PLEKHM1: variants seen among roughly 807,000 people sequenced by gnomAD.
PLEKHM1 encodes pleckstrin homology and RUN domain containing M1, also known as pleckstrin homology domain-containing family M member 1.
PLEKHM1 carries 28 observed loss-of-function variants against 94.3 expected under a neutral mutation model. That is an observed-to-expected ratio of 0.30 (90% CI 0.22 to 0.41). The LOEUF (loss-of-function observed/expected upper bound fraction) is 0.41, where lower values mean the gene tolerates loss of function less well. Among genes scored for constraint, PLEKHM1 ranks in the 10% least tolerant of loss-of-function variants. PLEKHM1 has a pLI of 1.00. For missense variants in PLEKHM1, 907 were observed against 1,358.6 expected (o/e 0.67, Z 5.22); for synonymous variants, 424 against 581.2 (o/e 0.73, Z 3.89).
intron 8 of PLEKHM1, chr17:45,446,025 C>CG (rs1005088257): frequency 1.5e-5 from 6 of 397,468 alleles, no homozygotes; most frequent in Admixed American, 8.1e-5. Flanking sequence ...TATTTCCCCC[C>CG]ACTGAAGGAA....
At position 45,436,417 on chromosome 17, in the gene PLEKHM1, T is replaced by A. The variant is rs577856452; in HGVS notation, c.*1441A>T. The A allele has an allele frequency of 2.2e-6, 1 of 453,310 alleles. No individual in the cohort carries two copies. The highest frequency in any genetic ancestry group is 7.0e-5 in the East Asian group (1 of 14,364). 28.1% of individuals were successfully genotyped at this position (453,310 alleles called of 1,614,324 possible). On this transcript the variant is annotated 3_prime_UTR_variant, in exon 12 of 12. Transcript: ENST00000430334. ...CTGTTCTGCTGCACAGGCATCCAGC[T>A]CCAAGGCTGGGTGGGTGACTCAGCA...
intron 4 of PLEKHM1, among the ~76,000 whole-genome samples, chr17:45,471,994 C>T (rs1037995714): frequency 6.6e-6 from 1 of 152,090 alleles, no homozygotes; most frequent in African/African-American, 2.4e-5. Flanking sequence ...AACAGAACCG[C>T]TTTATATTAA....
Position 45,459,024 on chromosome 17 carries a change from A to C in PLEKHM1, c.1309-585T>G, listed in dbSNP as rs147048865. ...ACACCTGTAGTCTCAGCTACTGAGG[A>C]GGCTGAAGCGGGAGAATCGCTTGAG... On this transcript the variant is annotated intron_variant, in intron 5 of 11. Coordinates refer to ENST00000430334, the MANE Select transcript of PLEKHM1 (RefSeq NM_014798.3). Among the ~76,000 whole-genome samples, 910 of 152,070 alleles carry C rather than the reference A, an allele frequency of 6.0e-3. 6 individuals are homozygous for C. Among genetic ancestry groups the C allele is most frequent in the African/African-American group, 0.021 (867 of 41,478 alleles).
chr17:45,477,751 G>A, intron 3 of PLEKHM1, 149 bp downstream of exon 3: 4 of 873,520 alleles, frequency 4.6e-6, no homozygotes, highest in Non-Finnish European at 7.4e-6. Context: ...AGCCTTTCTA[G>A]AAGACACTTT....
chr17:45,488,160 G>A (rs1431970432), intron 1 of PLEKHM1, among the ~76,000 whole-genome samples: 3 of 152,212 alleles, frequency 2.0e-5, no homozygotes, highest in Non-Finnish European at 4.4e-5. Context: ...GATGAGGGCA[G>A]AATTGTGGAG....
intron 4 of PLEKHM1, among the ~76,000 whole-genome samples, chr17:45,469,860 A>G (rs1163710253): frequency 2.6e-5 from 4 of 152,142 alleles, no homozygotes; most frequent in Non-Finnish European, 5.9e-5. Context: ...GAACCACAAG[A>G]TCAGGAGTTC....
chr17:45,449,531 C>A (rs1271947328), intron 8 of PLEKHM1, among the ~76,000 whole-genome samples: 5 of 151,956 alleles, frequency 3.3e-5, no homozygotes, highest in Non-Finnish European at 5.9e-5. Context: ...CCTATCTAGG[C>A]ACCCATCTAC....
chr17:45,477,227 G>T (rs895726440), intron 3 of PLEKHM1: 5 of 159,396 alleles, frequency 3.1e-5, no homozygotes, highest in Admixed American at 1.2e-4. Context: ...ACAAGGTCAG[G>T]AGTTTGAGAG....
At chr17:45,490,039 A>G (rs2052259080) in intron 1 of PLEKHM1, among the ~76,000 whole-genome samples, 1 of 152,172 alleles carries the variant, frequency 6.6e-6, no homozygotes, top group Non-Finnish European at 1.5e-5. Context: ...ACGAGAAGAC[A>G]CAGTTAAGAC....
intron 4 of PLEKHM1, among the ~76,000 whole-genome samples, chr17:45,474,563 C>T (rs1475459108): frequency 5.3e-5 from 8 of 152,210 alleles, no homozygotes; most frequent in African/African-American, 1.7e-4. Context: ...ATTTGTTGGA[C>T]GTTTTAAATG....
intron 4 of PLEKHM1, among the ~76,000 whole-genome samples, chr17:45,472,400 G>A (rs2051545554): frequency 6.6e-6 from 1 of 152,208 alleles, no homozygotes; most frequent in African/African-American, 2.4e-5. Flanking sequence ...CCTGCACAGA[G>A]AGGATGGTCA....
In PLEKHM1 at chr17:45,439,618, T is replaced by C. The variant is rs2050376966; in HGVS notation, c.2918A>G (p.Tyr973Cys). ...AATCAGGGCCTTGAGGAATCCTTCA[T>C]ACACCCCGTCTGCGATCTGCGGAGG... ...ADLQQIADGV[Y>C]EGFLKALIEF... Residue 973 changes from tyrosine (Y) to cysteine (C), a missense_variant, in exon 11 of 12, where the codon TAT becomes TGT. Tyr to Cys is a radical substitution (Grantham distance 194). Around this residue, in one of 3 missense-constraint regions of PLEKHM1, gnomAD observed 254 missense variants for 451.1 expected, o/e 0.56. Coordinates refer to ENST00000430334, the MANE Select transcript of PLEKHM1 (RefSeq NM_014798.3). The C allele has an allele frequency of 5.6e-6, 9 of 1,614,016 alleles. No individual in the cohort carries two copies. The highest frequency in any genetic ancestry group is 1.1e-5 in the South Asian group (1 of 91,076).
chr17:45,460,894 A>C (rs1452832678), intron 5 of PLEKHM1, among the ~76,000 whole-genome samples: 1 of 150,492 alleles, frequency 6.6e-6, no homozygotes, highest in Non-Finnish European at 1.5e-5. Context: ...TGTTGTTGTT[A>C]TTGTTGTTGA....
Position 45,453,034 on chromosome 17 carries a change from C to T in PLEKHM1, c.2497+321G>A. 1 of 543,198 alleles carries T rather than the reference C, an allele frequency of 1.8e-6. No homozygotes were observed. The highest frequency in any genetic ancestry group is 3.3e-6 in the Non-Finnish European group (1 of 300,958). The allele number at this position is 543,198 out of a possible 1,614,324, so 33.6% of individuals were successfully genotyped here. A position where few individuals can be genotyped will look rare whatever the true frequency, so the allele number is the denominator to read the frequency against. On this transcript the variant is annotated intron_variant, in intron 7 of 11. Coordinates refer to ENST00000430334, the MANE Select transcript of PLEKHM1 (RefSeq NM_014798.3). This position sits in a 1 kb window ranked among gnomAD's most constrained non-coding sequence, Gnocchi z 4.1. ...AAACCATGCCCCTGCTCTGAAAGAA[C>T]AGGACGGTAGAGCAAGAAGAAAATG...
chr17:45,453,248 A>C lies in PLEKHM1; in HGVS notation c.2497+107T>G. On this transcript the variant is annotated intron_variant, in intron 7 of 11. Coordinates refer to ENST00000430334, the MANE Select transcript of PLEKHM1 (RefSeq NM_014798.3). This position sits in a 1 kb window ranked among gnomAD's most constrained non-coding sequence, Gnocchi z 4.1. ...CTGTGGCCTCATCCCTAGGGGAAGG[A>C]TGGGGGCATTTGCGGGGAGGCAGAA... The C allele has an allele frequency of 1.1e-6, 1 of 913,778 alleles. No individual in the cohort carries two copies. The highest frequency in any genetic ancestry group is 2.6e-4 in the Middle Eastern group (1 of 3,858). The allele number at this position is 913,778 out of a possible 1,614,324, so 56.6% of individuals were successfully genotyped here. A position where few individuals can be genotyped will look rare whatever the true frequency, so the allele number is the denominator to read the frequency against.
At chr17:45,487,602 T>C (rs2052168275) in intron 1 of PLEKHM1, 3 of 415,632 alleles carry the variant, frequency 7.2e-6, no homozygotes, top group East Asian at 1.4e-4. Flanking sequence ...TGTTCCAACA[T>C]AGTTAGGAAG....
chr17:45,479,814 A>G (rs911981051), intron 2 of PLEKHM1, among the ~76,000 whole-genome samples: 9 of 152,260 alleles, frequency 5.9e-5, no homozygotes, highest in African/African-American at 2.2e-4. Context: ...GCACATAGAA[A>G]TACTCAATAA....
intron 7 of PLEKHM1, 103 bp from the exon 8 acceptor site, chr17:45,450,866 G>T: frequency 1.5e-6 from 1 of 687,900 alleles, no homozygotes; most frequent in East Asian, 2.7e-5. Flanking sequence ...TTTTTTTAAG[G>T]TAGGCACAAA....
intron 1 of PLEKHM1, among the ~76,000 whole-genome samples, chr17:45,487,193 C>G (rs146191037): frequency 2.0e-5 from 3 of 152,182 alleles, no homozygotes; most frequent in Non-Finnish European, 4.4e-5. Context: ...TGTATTCATT[C>G]GCCTTCACAT....
Sources: gnomAD v4.1 joint callset for allele counts (sites outside exome capture counted in the v4.1 genomes callset) on GRCh38, gnomAD v4.1.1 for gene constraint, gnomAD v4.1.1 regional missense constraint, Gnocchi (gnomAD v3.1) non-coding constraint, MANE v1.5 for transcripts, NCBI Gene and HGNC (gene_info 2026-07-23, HGNC 2026-07-21) for gene names.